CDH18: variants seen among roughly 807,000 people sequenced by gnomAD.
CDH18 encodes the protein cadherin-18.
Under a neutral mutation model 67.9 loss-of-function variants are expected in CDH18, and 31 were observed. The ratio of observed to expected loss-of-function variants is 0.46; its 90% CI spans 0.34 to 0.62. The LOEUF is 0.62. Among genes scored for constraint, CDH18 ranks in the 20% least tolerant of loss-of-function variants. CDH18 has a pLI of 0.01. For missense variants in CDH18, 890 were observed against 975.5 expected, an observed-to-expected ratio of 0.91 and a Z score of 1.17; for synonymous variants, 362 against 347.2, an observed-to-expected ratio of 1.04 and a Z score of -0.48.
At chr5:20,151,499 A>G (rs1751099892) in intron 2 of CDH18, among the ~76,000 whole-genome samples, 1 of 152,138 alleles carries the variant, frequency 6.6e-6, no homozygotes, top group Admixed American at 6.6e-5. Context: ...CTTTGGGTAT[A>G]TACCCAATAA....
intron 9 of CDH18, among the ~76,000 whole-genome samples, chr5:19,530,582 C>A (rs996268435): frequency 7.9e-5 from 12 of 151,826 alleles, no homozygotes; most frequent in Admixed American, 1.3e-4. Context: ...ATCCCTCCCC[C>A]TTCCCCCTAC....
At chr5:19,895,181 C>A (rs1366753431) in intron 2 of CDH18, among the ~76,000 whole-genome samples, 1 of 152,056 alleles carries the variant, frequency 6.6e-6, no homozygotes, top group African/African-American at 2.4e-5. Context: ...TAGTGTCAAT[C>A]AGGGAACAGA....
chr5:19,800,395 C>A (rs942724047), intron 3 of CDH18, among the ~76,000 whole-genome samples: 2 of 151,966 alleles, frequency 1.3e-5, no homozygotes, highest in Non-Finnish European at 2.9e-5. Flanking sequence ...TTTTTAAGAA[C>A]AATATTAATT....
chr5:19,819,754 C>T lies in CDH18; in HGVS notation c.228+19005G>A, dbSNP rs141998367. 2.7e-3 allele frequency among the ~76,000 whole-genome samples: 410 copies of T among 152,288 alleles called. 1 individual carries two copies. The highest frequency in any genetic ancestry group is 9.4e-3 in the African/African-American group (391 of 41,568). ...AACCATAAGTGTCCATCCCCCAAGGCTCTCCATCTTGCTCTGAGTGGCTCT... is the reference window on the plus strand; with the variant it reads ...AACCATAAGTGTCCATCCCCCAAGGTTCTCCATCTTGCTCTGAGTGGCTCT... On this transcript the variant is annotated intron_variant, in intron 3 of 12. Transcript: ENST00000382275.
intron 2 of CDH18, among the ~76,000 whole-genome samples, chr5:20,241,075 G>T (rs773638276): frequency 6.6e-6 from 1 of 151,906 alleles, no homozygotes; most frequent in East Asian, 1.9e-4. Flanking sequence ...AAAAATATGA[G>T]AAAACAAAAC....
chr5:20,445,368 A>G (rs1346186537), intron 1 of CDH18, among the ~76,000 whole-genome samples: 1 of 152,218 alleles, frequency 6.6e-6, no homozygotes, highest in East Asian at 1.9e-4. Flanking sequence ...ACAGATACAA[A>G]CAGACATCAG....
intron 7 of CDH18, among the ~76,000 whole-genome samples, chr5:19,582,561 G>A (rs1743447938): frequency 6.6e-6 from 1 of 151,860 alleles, no homozygotes; most frequent in South Asian, 2.1e-4. Context: ...TATCAGCTGT[G>A]GCTGAAAAGA....
intron 1 of CDH18, among the ~76,000 whole-genome samples, chr5:20,497,954 G>A (rs978656995): frequency 3.3e-5 from 5 of 152,004 alleles, no homozygotes; most frequent in Admixed American, 6.6e-5. Context: ...CCTTATAAAA[G>A]AAGTCCCAGA....
intron 5 of CDH18, among the ~76,000 whole-genome samples, chr5:19,635,943 T>C (rs532665364): frequency 6.6e-6 from 1 of 152,248 alleles, no homozygotes; most frequent in Non-Finnish European, 1.5e-5. Context: ...TATTATAGGT[T>C]ATGGCAGTCA....
At chr5:20,187,187 T>C (rs907809118) in intron 2 of CDH18, among the ~76,000 whole-genome samples, 4 of 151,850 alleles carry the variant, frequency 2.6e-5, no homozygotes, top group East Asian at 1.9e-4. Context: ...TTGGACAAGA[T>C]GAATGAGTTC....
chr5:19,923,037 C>T (rs989022091), intron 2 of CDH18, among the ~76,000 whole-genome samples: 3 of 152,072 alleles, frequency 2.0e-5, no homozygotes, highest in East Asian at 3.9e-4. Flanking sequence ...TATTTCTATC[C>T]GGTCAGACCT....
chr5:19,933,001 G>C (rs777815634), intron 2 of CDH18, among the ~76,000 whole-genome samples: 26 of 151,434 alleles, frequency 1.7e-4, no homozygotes, highest in Non-Finnish European at 3.7e-4. Context: ...TACAGTAATA[G>C]GTAATAATAA....
chr5:19,551,713 T>C (rs537184407), intron 8 of CDH18, among the ~76,000 whole-genome samples: 1 of 152,290 alleles, frequency 6.6e-6, no homozygotes, highest in East Asian at 1.9e-4. Flanking sequence ...TCATAGATTG[T>C]AAGTACTGGT....
At chr5:20,358,086 A>G (rs935176443) in intron 1 of CDH18, among the ~76,000 whole-genome samples, 2 of 152,188 alleles carry the variant, frequency 1.3e-5, no homozygotes, top group Non-Finnish European at 2.9e-5. Context: ...TATAAGTGGA[A>G]GCTAAACATT....
At chr5:19,955,975 C>T (rs1436432503) in intron 2 of CDH18, among the ~76,000 whole-genome samples, 2 of 151,940 alleles carry the variant, frequency 1.3e-5, no homozygotes, top group African/African-American at 4.8e-5. Context: ...TATAAATACA[C>T]AGTTTAGTTT....
intron 2 of CDH18, among the ~76,000 whole-genome samples, chr5:19,848,545 C>T (rs1005014449): frequency 2.0e-5 from 3 of 152,032 alleles, no homozygotes; most frequent in African/African-American, 7.2e-5. Context: ...GCTTTCTATT[C>T]TACCATATTG....
chr5:20,476,421 G>A (rs528357095), intron 1 of CDH18, among the ~76,000 whole-genome samples: 1 of 151,466 alleles, frequency 6.6e-6, no homozygotes, highest in African/African-American at 2.4e-5. Flanking sequence ...AGATCTTGAA[G>A]ACTTTTTTTG....
intron 1 of CDH18, among the ~76,000 whole-genome samples, chr5:20,295,129 T>C (rs1747386062): frequency 6.6e-6 from 1 of 152,206 alleles, no homozygotes; most frequent in African/African-American, 2.4e-5. Flanking sequence ...GGCACAGATA[T>C]ACACTGAAAT....
intron 3 of CDH18, among the ~76,000 whole-genome samples, chr5:19,792,960 T>C (rs1053704745): frequency 6.6e-6 from 1 of 152,146 alleles, no homozygotes; most frequent in Non-Finnish European, 1.5e-5. Context: ...CCAAATATAT[T>C]ACCATTGTTG....
Sources: gnomAD v4.1 joint callset for allele counts (sites outside exome capture counted in the v4.1 genomes callset) on GRCh38, gnomAD v4.1.1 for gene constraint, MANE v1.5 for transcripts, NCBI Gene and HGNC (gene_info 2026-07-23, HGNC 2026-07-21) for gene names.